Variants in HIVEP3 observed in about 807,000 individuals in gnomAD.
HIVEP3 encodes the protein HIVEP zinc finger 3, also known as transcription factor HIVEP3.
A neutral mutation model predicts 152.8 loss-of-function variants in HIVEP3; 49 were observed. The ratio of observed to expected loss-of-function variants is 0.32; its 90% CI spans 0.26 to 0.41. The LOEUF is 0.41. Among genes scored for constraint, HIVEP3 ranks in the 10% least tolerant of loss-of-function variants. The pLI, the probability that HIVEP3 is intolerant of heterozygous loss-of-function variation, is 1.00. For missense variants in HIVEP3, 2,790 were observed against 3,103.3 expected (o/e 0.90, Z 2.40); for synonymous variants, 1,269 against 1,289.0 (o/e 0.98, Z 0.33).
chr1:41,545,033 CACCAAT>C (rs1558047494), intron 5 of HIVEP3, among the ~76,000 whole-genome samples: 2 of 91,236 alleles, frequency 2.2e-5, no homozygotes, highest in African/African-American at 3.5e-5. Context: ...CCACCACCAC[CACCAAT>C]ACCACTACCA....
chr1:41,855,536 G>A lies in HIVEP3; in HGVS notation c.-801+62877C>T, dbSNP rs534340921. Among the ~76,000 whole-genome samples the A allele has an allele frequency of 3.1e-3, 468 of 152,300 alleles. 2 individuals carry two copies. The highest frequency in any genetic ancestry group is 5.5e-3 in the Non-Finnish European group (377 of 68,032). On this transcript the variant is annotated intron_variant, in intron 1 of 8. Coordinates refer to ENST00000372583, the MANE Select transcript of HIVEP3 (RefSeq NM_024503.5). ...AACAAACAACCCCATCAAAAAGTGGGTGAAGGACATGAACAGACACTTCTT... is the reference window on the plus strand; with the variant it reads ...AACAAACAACCCCATCAAAAAGTGGATGAAGGACATGAACAGACACTTCTT...
chr1:41,708,671 A>T (rs559934162), intron 1 of HIVEP3, among the ~76,000 whole-genome samples: 70 of 152,308 alleles, frequency 4.6e-4, no homozygotes, highest in African/African-American at 1.7e-3. Context: ...CTCTTTGCTT[A>T]AGTTATCTCA....
intron 1 of HIVEP3, among the ~76,000 whole-genome samples, chr1:41,875,543 T>C (rs1557473868): frequency 6.6e-6 from 1 of 152,256 alleles, no homozygotes; most frequent in South Asian, 2.1e-4. Context: ...GCATCTCCAG[T>C]AAAAATCAGA....
At chr1:41,595,918 T>A (rs1380094922) in intron 3 of HIVEP3, among the ~76,000 whole-genome samples, 1 of 152,172 alleles carries the variant, frequency 6.6e-6, no homozygotes, top group Non-Finnish European at 1.5e-5. Flanking sequence ...CACCTTGTGA[T>A]TGTGTGAGTC....
At chr1:41,777,921 G>A (rs1478314451) in intron 1 of HIVEP3, among the ~76,000 whole-genome samples, 4 of 152,206 alleles carry the variant, frequency 2.6e-5, no homozygotes, top group African/African-American at 4.8e-5. Flanking sequence ...AGATTACCGC[G>A]TGCTTCACGC....
At chr1:41,623,011 A>G (rs2149143302) in intron 3 of HIVEP3, among the ~76,000 whole-genome samples, 1 of 152,332 alleles carries the variant, frequency 6.6e-6, no homozygotes, top group East Asian at 1.9e-4. Context: ...CATTTGCCCA[A>G]GGTCACGCAG....
intron 1 of HIVEP3, among the ~76,000 whole-genome samples, chr1:41,746,337 A>C (rs1371805): frequency 0.39 from 60,056 of 152,066 alleles, 12,015 homozygotes; most frequent in East Asian, 0.47. Context: ...AAGGGCTTCA[A>C]AAGGTGACAT....
chr1:41,644,318 A>G (rs1176733336), intron 2 of HIVEP3, among the ~76,000 whole-genome samples: 1 of 152,098 alleles, frequency 6.6e-6, no homozygotes, highest in Non-Finnish European at 1.5e-5. Context: ...AGGTGGGTGA[A>G]CAGGACCTGG....
intron 1 of HIVEP3, among the ~76,000 whole-genome samples, chr1:41,749,404 T>TGTGTGTGTGTGTGTGTGTGTG (rs1553255923): frequency 7.1e-6 from 1 of 140,678 alleles, no homozygotes; most frequent in Non-Finnish European, 1.6e-5. Context: ...TTAGAAAAAA[T>TGTGTGTGTGTGTGTGTGTGTG]TGTGTGTGTG....
chr1:41,575,611 C>A lies in HIVEP3; in HGVS notation c.5140G>T (p.Glu1714Ter). Residue 1714 changes from glutamate (E) to a stop codon, truncating the protein, a stop_gained, in exon 5 of 9, where the codon GAG (glutamate) becomes TAG (stop). Transcript: ENST00000372583. LOFTEE classifies it high-confidence loss of function. ...RVEKEEERRG[E>*]PEEDAPASQR... ...GAGGCAGGAGCATCCTCCTCCGGCT[C>A]CCCTCTCCTCTCTTCTTCCTTCTCC... is the stretch of plus-strand genomic sequence containing the variant. 6.2e-7 allele frequency: 1 copy of A among 1,614,112 alleles called. No individual in the cohort carries two copies. The highest frequency in any genetic ancestry group is 8.5e-7 in the Non-Finnish European group (1 of 1,179,976).
At chr1:41,724,979 C>T (rs1316030891) in intron 1 of HIVEP3, among the ~76,000 whole-genome samples, 1 of 152,228 alleles carries the variant, frequency 6.6e-6, no homozygotes, top group African/African-American at 2.4e-5. Context: ...TAGCCTTTCT[C>T]ACCCACAATC....
chr1:41,559,587 C>T (rs1408915055), intron 5 of HIVEP3, among the ~76,000 whole-genome samples: 1 of 152,196 alleles, frequency 6.6e-6, no homozygotes, highest in Non-Finnish European at 1.5e-5. Flanking sequence ...ACCACCACAC[C>T]ATCTCCTTGC....
Position 41,581,684 on chromosome 1 carries a change from T to C in HIVEP3, c.3114A>G (p.Pro1038=). ...TCACCAAGAAGCATTTTCTTCTCTC[T>C]GGCGGGGCCACCCGCGCTGGTGGAG... The part of the protein sequence containing the change: ...PVAPPARVAP[P]ERRKCFLVRQ... The change falls in exon 4 of 9, where the codon CCA becomes CCG. Residue 1038 remains proline, a synonymous_variant. Coordinates refer to ENST00000372583, the MANE Select transcript of HIVEP3 (RefSeq NM_024503.5). This position sits in a 1 kb window ranked among gnomAD's most constrained non-coding sequence, Gnocchi z 4.5. The C allele has an allele frequency of 1.2e-6, 2 of 1,614,008 alleles. No individual in the cohort carries two copies. The highest frequency in any genetic ancestry group is 1.7e-6 in the Non-Finnish European group (2 of 1,179,970).
At chr1:41,751,434 C>T (rs1647162155) in intron 1 of HIVEP3, among the ~76,000 whole-genome samples, 1 of 151,198 alleles carries the variant, frequency 6.6e-6, no homozygotes, top group African/African-American at 2.4e-5. Flanking sequence ...TCAGCCCACG[C>T]ATTTCACCAT....
At chr1:41,778,579 C>T (rs926972809) in intron 1 of HIVEP3, among the ~76,000 whole-genome samples, 1 of 152,196 alleles carries the variant, frequency 6.6e-6, no homozygotes, top group African/African-American at 2.4e-5. Context: ...GACAGTTGAT[C>T]CCGTTCTGAC....
At chr1:41,973,846 G>A (rs1645244310) in intron 1 of HIVEP3, among the ~76,000 whole-genome samples, 1 of 152,232 alleles carries the variant, frequency 6.6e-6, no homozygotes, top group Non-Finnish European at 1.5e-5. Flanking sequence ...TCCAAGAAAG[G>A]ATGGCGTCAC....
chr1:41,732,747 C>T (rs572851982), intron 1 of HIVEP3, among the ~76,000 whole-genome samples: 10 of 152,280 alleles, frequency 6.6e-5, no homozygotes, highest in African/African-American at 2.2e-4. Flanking sequence ...GCTCTATCCC[C>T]GAGGACAAGG....
intron 1 of HIVEP3, among the ~76,000 whole-genome samples, chr1:41,764,181 GA>G (rs899331099): frequency 2.6e-5 from 4 of 151,700 alleles, no homozygotes; most frequent in African/African-American, 4.8e-5. Context: ...GCACAAAACT[GA>G]AAAAAAATGA....
chr1:41,895,282 C>T (rs1253722361), intron 1 of HIVEP3, among the ~76,000 whole-genome samples: 2 of 152,180 alleles, frequency 1.3e-5, no homozygotes, highest in Non-Finnish European at 2.9e-5. Flanking sequence ...CAGTTCCCTT[C>T]CATCTGCCCA....
Sources: allele counts gnomAD v4.1 joint callset (sites outside exome capture counted in the v4.1 genomes callset), GRCh38; gene constraint gnomAD v4.1.1; non-coding constraint Gnocchi (gnomAD v3.1); transcripts MANE v1.5; gene names NCBI Gene and HGNC (gene_info 2026-07-23, HGNC 2026-07-21).